XPO4: variants seen among roughly 807,000 people sequenced by gnomAD.
The protein encoded by XPO4 is exportin 4.
XPO4 carries 39 observed loss-of-function variants against 143.0 expected under a neutral mutation model. The observed-to-expected ratio is 0.27, with a 90% CI of 0.21 to 0.36. XPO4 has a LOEUF of 0.36. XPO4 is among the 10% of genes least tolerant of loss of function. The pLI is 1.00. For synonymous variants in XPO4, 439 were observed against 474.0 expected (o/e 0.93, Z 0.96); for missense variants, 907 against 1,348.0 (o/e 0.67, Z 5.12).
chr13:20,889,011 C>T (rs2060487515), intron 1 of XPO4, among the ~76,000 whole-genome samples: 1 of 152,038 alleles, frequency 6.6e-6, no homozygotes, highest in Admixed American at 6.6e-5. Context: ...CGAGATTTCA[C>T]CATGTTGGTC....
intron 1 of XPO4, among the ~76,000 whole-genome samples, chr13:20,876,263 G>A (rs1232865433): frequency 7.7e-4 from 89 of 115,568 alleles, no homozygotes; most frequent in African/African-American, 2.6e-3. Context: ...ACTCCATCTC[G>A]GAAAAAAAAA....
chr13:20,889,713 C>A (rs1335521808), intron 1 of XPO4, among the ~76,000 whole-genome samples: 1 of 152,126 alleles, frequency 6.6e-6, no homozygotes, highest in Admixed American at 6.5e-5. Flanking sequence ...CATCATTACC[C>A]AATATTCTGT....
chr13:20,849,885 C>T, intron 4 of XPO4: 2 of 848,770 alleles, frequency 2.4e-6, no homozygotes, highest in Middle Eastern at 6.1e-4. Flanking sequence ...GTGGGCAGAT[C>T]ACTTGAGGTC....
chr13:20,895,399 A>C (rs919217031), intron 1 of XPO4, among the ~76,000 whole-genome samples: 11 of 152,096 alleles, frequency 7.2e-5, no homozygotes, highest in African/African-American at 2.4e-4. Flanking sequence ...TGGGAGGCTG[A>C]AGCTGGCAGA....
chr13:20,840,187 G>C (rs2251031), intron 6 of XPO4, among the ~76,000 whole-genome samples: 1 of 151,558 alleles, frequency 6.6e-6, no homozygotes, highest in East Asian at 1.9e-4. Flanking sequence ...TATCCTAAGA[G>C]ACAAATCACC....
At chr13:20,899,068 C>T (rs1406597915) in intron 1 of XPO4, among the ~76,000 whole-genome samples, 1 of 151,826 alleles carries the variant, frequency 6.6e-6, no homozygotes, top group Non-Finnish European at 1.5e-5. Flanking sequence ...CCACTACACT[C>T]CAGCTGGGAC....
At chr13:20,863,665 C>G (rs1456885061) in intron 2 of XPO4, among the ~76,000 whole-genome samples, 1 of 152,080 alleles carries the variant, frequency 6.6e-6, no homozygotes, top group Non-Finnish European at 1.5e-5. Flanking sequence ...CAGGGAGAAA[C>G]AGTTGAAATG....
chr13:20,819,389 C>T (rs536426035), intron 9 of XPO4, among the ~76,000 whole-genome samples: 105 of 152,150 alleles, frequency 6.9e-4, no homozygotes, highest in Non-Finnish European at 1.2e-3. Flanking sequence ...TGGCCAGGCG[C>T]GGTGGCTCAC....
At chr13:20,784,539 A>C (rs1026063701) in intron 22 of XPO4, among the ~76,000 whole-genome samples, 4 of 152,224 alleles carry the variant, frequency 2.6e-5, no homozygotes, top group Non-Finnish European at 5.9e-5. Flanking sequence ...AAATATAGGA[A>C]TATGGGAAAT....
chr13:20,801,022 T>C, intron 13 of XPO4, 32 bp from the exon 14 acceptor site: 1 of 1,595,552 alleles, frequency 6.3e-7, no homozygotes, highest in Non-Finnish European at 8.5e-7. Context: ...CATTTATTCT[T>C]TTATTTATTT....
At chr13:20,833,343 G>A (rs1298599545) in intron 6 of XPO4, among the ~76,000 whole-genome samples, 1 of 152,096 alleles carries the variant, frequency 6.6e-6, no homozygotes, top group East Asian at 1.9e-4. Context: ...TATCCGGAGG[G>A]GGACTGGTTC....
At chr13:20,796,529 G>A (rs770892427) in intron 17 of XPO4, among the ~76,000 whole-genome samples, 15 of 150,920 alleles carry the variant, frequency 9.9e-5, no homozygotes, top group Non-Finnish European at 2.2e-4. Flanking sequence ...AAATCTGAAC[G>A]TTCTGTATAT....
intron 1 of XPO4, among the ~76,000 whole-genome samples, chr13:20,886,368 T>C (rs187266586): frequency 2.5e-3 from 378 of 152,208 alleles, no homozygotes; most frequent in African/African-American, 8.3e-3. Flanking sequence ...TCCCAGCACT[T>C]TGGGAGGCTG....
chr13:20,871,973 T>C (rs917782231), intron 1 of XPO4, among the ~76,000 whole-genome samples: 1 of 152,216 alleles, frequency 6.6e-6, no homozygotes, highest in Non-Finnish European at 1.5e-5. Context: ...AATGGCAGGA[T>C]GGTAGTCACT....
chr13:20,853,266 G>C (rs2060108161), intron 4 of XPO4, among the ~76,000 whole-genome samples: 1 of 149,236 alleles, frequency 6.7e-6, no homozygotes, highest in South Asian at 2.1e-4. Context: ...ATGAGGTCGG[G>C]GCTGCAGTGA....
intron 4 of XPO4, chr13:20,848,366 A>G: frequency 1.0e-6 from 1 of 985,396 alleles, no homozygotes; most frequent in Non-Finnish European, 1.2e-6. Flanking sequence ...ACTGTGGTCA[A>G]AGCCCTTCAT....
intron 15 of XPO4, among the ~76,000 whole-genome samples, 163 bp from the exon 16 acceptor site, chr13:20,799,502 A>T (rs372141035): frequency 2.0e-5 from 3 of 152,350 alleles, no homozygotes; most frequent in South Asian, 2.1e-4. Context: ...ACAGGCTTAC[A>T]TTCAAATCCC....
intron 1 of XPO4, 22 bp downstream of exon 1, chr13:20,902,648 C>A: frequency 6.4e-7 from 1 of 1,554,724 alleles, no homozygotes; most frequent in Non-Finnish European, 8.7e-7. Context: ...ATCCCGGGGT[C>A]TGAGGGGCGC....
intron 16 of XPO4, 40 bp from the exon 17 acceptor site, chr13:20,797,097 T>C (rs1252841075): frequency 6.6e-7 from 1 of 1,514,070 alleles, no homozygotes; most frequent in African/African-American, 1.4e-5. Context: ...AGCTCAGTTC[T>C]CATGCTTTAT....
Sources: gnomAD v4.1 joint callset for allele counts (sites outside exome capture counted in the v4.1 genomes callset) on GRCh38, gnomAD v4.1.1 for gene constraint, MANE v1.5 for transcripts, NCBI Gene and HGNC (gene_info 2026-07-23, HGNC 2026-07-21) for gene names.